Variants in NHEJ1 observed in about 807,000 individuals in gnomAD.
NHEJ1 encodes non-homologous end joining factor 1, also known as non-homologous end-joining factor 1.
NHEJ1 carries 22 observed loss-of-function variants against 39.4 expected under a neutral mutation model. The ratio of observed to expected loss-of-function variants is 0.56; its 90% CI spans 0.40 to 0.80. The LOEUF (loss-of-function observed/expected upper bound fraction) is 0.80, where lower values mean the gene tolerates loss of function less well. Among genes scored for constraint, NHEJ1 ranks in the 30% least tolerant of loss-of-function variants. The pLI, the probability that NHEJ1 is intolerant of heterozygous loss-of-function variation, is 0.00. For synonymous variants in NHEJ1, 154 were observed against 135.6 expected, an observed-to-expected ratio of 1.14 and a Z score of -0.94; for missense variants, 329 against 357.1, an observed-to-expected ratio of 0.92 and a Z score of 0.63.
At chr2:219,143,142 C>T (rs1055245465) in intron 5 of NHEJ1, among the ~76,000 whole-genome samples, 2 of 152,164 alleles carry the variant, frequency 1.3e-5, no homozygotes, top group African/African-American at 2.4e-5. Context: ...GCCCTGGCCC[C>T]CCTGCGCCTT....
At chr2:219,113,234 G>A (rs1406172515) in intron 5 of NHEJ1, among the ~76,000 whole-genome samples, 1 of 151,998 alleles carries the variant, frequency 6.6e-6, no homozygotes, top group African/African-American at 2.4e-5. Flanking sequence ...ATGTACAGCA[G>A]AACCAGGTCA....
In NHEJ1 at chr2:219,158,191, C is replaced by T. The variant is rs142684479; in HGVS notation, c.172G>A (p.Ala58Thr). 6.2e-7 allele frequency: 1 copy of T among 1,614,066 alleles called. No homozygotes were observed. Among genetic ancestry groups the T allele is most frequent in the African/African-American group, 1.3e-5 (1 of 74,926 alleles). The change falls in exon 2 of 8, where the codon GCC (alanine) becomes ACC (threonine). Residue 58 changes from alanine (A) to threonine (T), a missense_variant. By Grantham distance (58) the Ala-to-Thr change is moderately conservative. Transcript: ENST00000356853. ...QVDTSVVSQRAKELNKRLTAP... is the reference protein window; with the variant it reads ...QVDTSVVSQRTKELNKRLTAP... ...GTACTTCTCCTCATACTTACCTTGG[C>T]TCGCTGGCTGACCACACTAGTGTCC...
chr2:219,096,584 T>C (rs1483037973), intron 5 of NHEJ1, among the ~76,000 whole-genome samples: 1 of 152,126 alleles, frequency 6.6e-6, no homozygotes, highest in Non-Finnish European at 1.5e-5. Context: ...ATTGGGAATG[T>C]AGGGATGAAA....
At chr2:219,120,988 G>A (rs1209056648) in intron 5 of NHEJ1, among the ~76,000 whole-genome samples, 1 of 152,094 alleles carries the variant, frequency 6.6e-6, no homozygotes, top group Non-Finnish European at 1.5e-5. Flanking sequence ...CTTGAGGTCA[G>A]GAGTTCAAGA....
intron 5 of NHEJ1, among the ~76,000 whole-genome samples, chr2:219,143,418 C>T (rs1332411110): frequency 1.3e-5 from 2 of 152,122 alleles, no homozygotes; most frequent in Admixed American, 1.3e-4. Flanking sequence ...TCCATATTAC[C>T]CCAGCCCTTA....
At chr2:219,114,723 G>C (rs922303046) in intron 5 of NHEJ1, among the ~76,000 whole-genome samples, 2 of 152,158 alleles carry the variant, frequency 1.3e-5, no homozygotes, top group African/African-American at 4.8e-5. Flanking sequence ...TTCTGTATCT[G>C]GGGCCCAGAC....
intron 5 of NHEJ1, among the ~76,000 whole-genome samples, chr2:219,125,913 C>T (rs910024632): frequency 6.6e-6 from 1 of 152,206 alleles, no homozygotes; most frequent in African/African-American, 2.4e-5. Flanking sequence ...GCAAGTATCC[C>T]CCCAGTTCTG....
At chr2:219,132,564 G>C (rs1031446800) in intron 5 of NHEJ1, among the ~76,000 whole-genome samples, 4 of 152,116 alleles carry the variant, frequency 2.6e-5, no homozygotes, top group African/African-American at 4.8e-5. Context: ...AATTGCTCAG[G>C]CTTCAAGCAT....
In NHEJ1 at chr2:219,076,034, GC is replaced by G. The variant is rs1195577470; in HGVS notation, c.*346del. 2 of 465,454 alleles carry G rather than the reference GC, an allele frequency of 4.3e-6. No homozygotes were observed. Among genetic ancestry groups the G allele is most frequent in the African/African-American group, 3.9e-5 (2 of 51,112 alleles). 28.8% of individuals were successfully genotyped at this position (465,454 alleles called of 1,614,324 possible). ...AGTGGGTCTCTGAGGAGTATCTGGG[GC>G]TGGCTGGCTAGAGACGCTAGGGAAA... On this transcript the variant is annotated 3_prime_UTR_variant, in exon 8 of 8. Coordinates refer to ENST00000356853, the MANE Select transcript of NHEJ1 (RefSeq NM_024782.3).
At chr2:219,090,432 A>G (rs1048268827) in intron 5 of NHEJ1, among the ~76,000 whole-genome samples, 1 of 152,246 alleles carries the variant, frequency 6.6e-6, no homozygotes, top group African/African-American at 2.4e-5. Context: ...GGAAGGGCTC[A>G]ATAAATATTA....
At position 219,080,665 on chromosome 2, in the gene NHEJ1, G is replaced by A. The variant is rs1224335464; in HGVS notation, c.589-2459C>T. Among the ~76,000 whole-genome samples the A allele has an allele frequency of 2.1e-4, 15 of 71,318 alleles. 2 individuals carry two copies. The highest frequency in any genetic ancestry group is 4.2e-4 in the Non-Finnish European group (15 of 35,306). The allele number at this position is 71,318 out of a possible 152,430, so 46.8% of individuals were successfully genotyped here. On this transcript the variant is annotated intron_variant, in intron 5 of 7. Coordinates refer to ENST00000356853, the MANE Select transcript of NHEJ1 (RefSeq NM_024782.3). The stretch of plus-strand genomic sequence containing the variant: ...CTTATATATATGCTAATATATATAA[G>A]CTTTTATATATGCTAATATATATGC...
intron 3 of NHEJ1, among the ~76,000 whole-genome samples, chr2:219,156,020 TG>T (rs1324641267): frequency 1.3e-5 from 2 of 151,548 alleles, no homozygotes; most frequent in Non-Finnish European, 2.9e-5. Context: ...GAGGCCGAGG[TG>T]GGTGGATCAC....
intron 5 of NHEJ1, among the ~76,000 whole-genome samples, chr2:219,112,446 C>T (rs891836029): frequency 1.1e-4 from 16 of 152,266 alleles, no homozygotes; most frequent in Non-Finnish European, 1.9e-4. Context: ...GCTAACTGTG[C>T]CTTTTACACT....
chr2:219,110,173 T>C (rs2106338768), intron 5 of NHEJ1, among the ~76,000 whole-genome samples: 1 of 152,274 alleles, frequency 6.6e-6, no homozygotes, highest in Admixed American at 6.5e-5. Context: ...CAAAAATCCC[T>C]GCCCTCATTG....
Position 219,133,170 on chromosome 2 carries a change from T to C in NHEJ1, c.588+13510A>G, listed in dbSNP as rs141657607. ...TTTCCTAAATACTGGACAGCTAAGCTGCCAACCTACAGGACTCAGCCTTTA... is the reference window on the plus strand; with the variant it reads ...TTTCCTAAATACTGGACAGCTAAGCCGCCAACCTACAGGACTCAGCCTTTA... On this transcript the variant is annotated intron_variant, in intron 5 of 7. Coordinates refer to ENST00000356853, the MANE Select transcript of NHEJ1 (RefSeq NM_024782.3). 1.6e-3 allele frequency among the ~76,000 whole-genome samples: 247 copies of C among 152,348 alleles called. 1 individual carries two copies. The highest frequency in any genetic ancestry group is 5.6e-3 in the African/African-American group (232 of 41,586).
intron 5 of NHEJ1, among the ~76,000 whole-genome samples, chr2:219,080,552 T>A (rs9288539): frequency 0.62 from 81,077 of 130,688 alleles, 24,588 homozygotes; most frequent in Non-Finnish European, 0.65. Flanking sequence ...TAAATAAAAA[T>A]ATATATATAT....
Position 219,075,898 on chromosome 2 carries a change from A to G in NHEJ1, c.*483T>C, listed in dbSNP as rs376603711. ...TGATGGCTAGACTTCATCCAGAGAC[A>G]ACAATGGGGTGGGACCCAGTGAAGG... On this transcript the variant is annotated 3_prime_UTR_variant, in exon 8 of 8. Coordinates refer to ENST00000356853, the MANE Select transcript of NHEJ1 (RefSeq NM_024782.3). 1.4e-3 allele frequency: 241 copies of G among 168,642 alleles called. No individual in the cohort carries two copies. The highest frequency in any genetic ancestry group is 4.9e-3 in the African/African-American group (206 of 41,974). 10.4% of individuals were successfully genotyped at this position (168,642 alleles called of 1,614,324 possible).
At position 219,147,926 on chromosome 2, in the gene NHEJ1, C is replaced by T. The variant is rs764291949; in HGVS notation, c.391-131G>A. The T allele has an allele frequency of 6.9e-6, 6 of 864,336 alleles. No homozygotes were observed. The African/African-American group carries it at 1.0e-4, about 15-fold the overall frequency. 53.5% of individuals were successfully genotyped at this position (864,336 alleles called of 1,614,324 possible). On this transcript the variant is annotated intron_variant, in intron 3 of 7. Transcript: ENST00000356853. ...ACTTATAGTTTCATAGGCAAGTAAC[C>T]CATTTACATGAATGTAAACACAAAT...
intron 5 of NHEJ1, among the ~76,000 whole-genome samples, chr2:219,092,710 TG>T (rs1294311322): frequency 1.3e-5 from 2 of 152,144 alleles, no homozygotes; most frequent in African/African-American, 4.8e-5. Flanking sequence ...AGGCTCTCAT[TG>T]GGTAACAGTG....
Sources: allele counts gnomAD v4.1 joint callset (sites outside exome capture counted in the v4.1 genomes callset), GRCh38; gene constraint gnomAD v4.1.1; transcripts MANE v1.5; gene names NCBI Gene and HGNC (gene_info 2026-07-23, HGNC 2026-07-21).